The following RBMS3 variants were observed in gnomAD, a reference collection of about 807,000 sequenced individuals.
The protein encoded by RBMS3 is RNA binding motif single stranded interacting protein 3, also known as RNA-binding motif, single-stranded-interacting protein 3.
In RBMS3, 27 loss-of-function variants were observed where a neutral mutation model predicts 66.8. The ratio of observed to expected loss-of-function variants is 0.40; its 90% confidence interval spans 0.30 to 0.56. The LOEUF is 0.56. Among genes scored for constraint, RBMS3 ranks in the 20% least tolerant of loss-of-function variants. The pLI, the probability that RBMS3 is intolerant of heterozygous loss-of-function variation, is 0.40. For synonymous variants in RBMS3, 188 were observed against 183.0 expected, an observed-to-expected ratio of 1.03 and a Z score of -0.22; for missense variants, 513 against 549.5, an observed-to-expected ratio of 0.93 and a Z score of 0.66.
intron 4 of RBMS3, among the ~76,000 whole-genome samples, chr3:29,679,154 T>C (rs2051380965): frequency 6.6e-6 from 1 of 152,056 alleles, no homozygotes; most frequent in South Asian, 2.1e-4. Context: ...CCCAGCATTC[T>C]GTGTTTCCAT....
chr3:29,481,064 GTTAC>G (rs947848849), intron 2 of RBMS3, among the ~76,000 whole-genome samples: 2 of 152,194 alleles, frequency 1.3e-5, no homozygotes, highest in Non-Finnish European at 2.9e-5. Context: ...CCCTGGGAAA[GTTAC>G]TTACCCTGTG....
intron 4 of RBMS3, among the ~76,000 whole-genome samples, chr3:29,694,861 TAAAAAA>T (rs771474312): frequency 9.5e-5 from 14 of 147,232 alleles, no homozygotes; most frequent in African/African-American, 3.5e-4. Context: ...AATTTTTTTT[TAAAAAA>T]AAAATACAAG....
intron 1 of RBMS3, among the ~76,000 whole-genome samples, chr3:29,415,208 A>C (rs1055914466): frequency 1.6e-4 from 24 of 152,250 alleles, no homozygotes; most frequent in African/African-American, 5.8e-4. Flanking sequence ...ATGTTTAGAC[A>C]GAAAACAAGC....
chr3:29,537,520 A>G (rs564567815), intron 3 of RBMS3: 8 of 152,286 alleles, frequency 5.3e-5, no homozygotes, highest in South Asian at 2.1e-4. Flanking sequence ...CCAATGCAGG[A>G]GGCTTTATAA....
chr3:29,838,107 C>G (rs1260475750), intron 6 of RBMS3, among the ~76,000 whole-genome samples: 2 of 144,756 alleles, frequency 1.4e-5, no homozygotes, highest in Non-Finnish European at 3.0e-5. Flanking sequence ...ATGGGAGGAT[C>G]ACTGGGAGGA....
intron 3 of RBMS3, among the ~76,000 whole-genome samples, chr3:29,504,428 C>T (rs1576038156): frequency 6.6e-6 from 1 of 151,938 alleles, no homozygotes. Context: ...GTGAGCAGGC[C>T]TCTTGCCTTT....
chr3:29,646,840 A>G (rs1323256997), intron 4 of RBMS3, among the ~76,000 whole-genome samples: 2 of 152,062 alleles, frequency 1.3e-5, no homozygotes, highest in Non-Finnish European at 2.9e-5. Flanking sequence ...GGAATCTCCC[A>G]CGTGATTTGG....
intron 10 of RBMS3, among the ~76,000 whole-genome samples, chr3:29,905,230 T>G (rs2060348476): frequency 6.6e-6 from 1 of 151,990 alleles, no homozygotes; most frequent in African/African-American, 2.4e-5. Context: ...CAGAAATAGG[T>G]ATGGCCACAT....
chr3:29,905,727 A>G (rs1559787365), intron 10 of RBMS3, among the ~76,000 whole-genome samples: 1 of 152,076 alleles, frequency 6.6e-6, no homozygotes, highest in East Asian at 1.9e-4. Context: ...CACATAACAT[A>G]CACTAAAACT....
At chr3:29,919,820 A>C (rs1195214588) in intron 10 of RBMS3, among the ~76,000 whole-genome samples, 2 of 152,234 alleles carry the variant, frequency 1.3e-5, no homozygotes, top group African/African-American at 4.8e-5. Context: ...TGCTTTCAGC[A>C]TTGTACATTG....
chr3:29,818,864 AT>A (rs1276737726), intron 6 of RBMS3, among the ~76,000 whole-genome samples: 1 of 152,188 alleles, frequency 6.6e-6, no homozygotes, highest in Non-Finnish European at 1.5e-5. Flanking sequence ...GAAAGTTATT[AT>A]CTCCATGGTA....
intron 1 of RBMS3, among the ~76,000 whole-genome samples, chr3:29,329,036 A>G (rs1182823962): frequency 1.3e-5 from 2 of 152,148 alleles, no homozygotes; most frequent in Non-Finnish European, 2.9e-5. Flanking sequence ...ATTTTCTGCA[A>G]TTTAAATCAG....
chr3:29,558,486 T>A (rs2046433370), intron 3 of RBMS3, among the ~76,000 whole-genome samples: 1 of 152,192 alleles, frequency 6.6e-6, no homozygotes, highest in Non-Finnish European at 1.5e-5. Flanking sequence ...AAATACAAGT[T>A]ATCTATAAAG....
intron 5 of RBMS3, among the ~76,000 whole-genome samples, chr3:29,760,268 C>G (rs2149379406): frequency 7.2e-6 from 1 of 138,192 alleles, no homozygotes; most frequent in South Asian, 2.1e-4. Flanking sequence ...CACACACACA[C>G]ATACACACAC....
At position 29,487,134 on chromosome 3, in the gene RBMS3, C is replaced by G. The variant is rs74640599; in HGVS notation, c.249-1307C>G. On this transcript the variant is annotated intron_variant, in intron 2 of 14. Transcript: ENST00000383767. Reference sequence around the variant, plus strand: ...GATTGTAGGTACGATGAATCATTGTCTAGTAAAGAGACTGTTCAAATATGA... The same window carrying G: ...GATTGTAGGTACGATGAATCATTGTGTAGTAAAGAGACTGTTCAAATATGA... 5.1e-3 allele frequency among the ~76,000 whole-genome samples: 777 copies of G among 152,168 alleles called. 6 individuals are homozygous for G. Among genetic ancestry groups the G allele is most frequent in the African/African-American group, 0.018 (746 of 41,512 alleles).
intron 6 of RBMS3, among the ~76,000 whole-genome samples, chr3:29,860,873 T>G (rs1278321515): frequency 1.3e-5 from 2 of 152,176 alleles, no homozygotes; most frequent in African/African-American, 4.8e-5. Context: ...TTTGTTTCTT[T>G]TCTTTTCTTT....
chr3:29,829,943 C>T (rs1212619753), intron 6 of RBMS3, among the ~76,000 whole-genome samples: 3 of 152,024 alleles, frequency 2.0e-5, no homozygotes, highest in Admixed American at 2.0e-4. Flanking sequence ...CTTCCTGTCC[C>T]TCTATCCCTA....
At chr3:29,816,268 A>T (rs1049545717) in intron 6 of RBMS3, among the ~76,000 whole-genome samples, 3 of 151,608 alleles carry the variant, frequency 2.0e-5, no homozygotes, top group African/African-American at 7.3e-5. Context: ...AGTCATGTGC[A>T]TCCCCCTGTG....
intron 3 of RBMS3, among the ~76,000 whole-genome samples, chr3:29,579,185 G>A (rs956708059): frequency 6.6e-5 from 10 of 152,068 alleles, no homozygotes; most frequent in African/African-American, 2.2e-4. Flanking sequence ...GTATCTTTCC[G>A]GGTTGTTGCC....
Sources: gnomAD v4.1 joint callset for allele counts (sites outside exome capture counted in the v4.1 genomes callset) on GRCh38, gnomAD v4.1.1 for gene constraint, MANE v1.5 for transcripts, NCBI Gene and HGNC (gene_info 2026-07-23, HGNC 2026-07-21) for gene names.